HECW1: variants seen among roughly 807,000 people sequenced by gnomAD.
The protein encoded by HECW1 is E3 ubiquitin-protein ligase HECW1.
Under a neutral mutation model 182.3 loss-of-function variants are expected in HECW1, and 61 were observed. The ratio of observed to expected loss-of-function variants is 0.33; its 90% confidence interval spans 0.27 to 0.41. The LOEUF (loss-of-function observed/expected upper bound fraction) is 0.41. Ranked by LOEUF, HECW1 falls within the 10% of genes least tolerant of loss-of-function variation. The pLI, the probability that HECW1 is intolerant of heterozygous loss-of-function variation, is 1.00. For synonymous variants in HECW1, 859 were observed against 832.6 expected (o/e 1.03, Z -0.55); for missense variants, 1,739 against 2,108.9 (o/e 0.82, Z 3.44).
intron 8 of HECW1, among the ~76,000 whole-genome samples, chr7:43,416,024 C>A (rs1046425506): frequency 2.6e-5 from 4 of 151,022 alleles, no homozygotes; most frequent in Non-Finnish European, 5.9e-5. Flanking sequence ...CTTCTTCTCT[C>A]AGCTCGTCAA....
intron 6 of HECW1, among the ~76,000 whole-genome samples, chr7:43,386,772 T>G (rs1584727997): frequency 6.6e-6 from 1 of 152,138 alleles, no homozygotes; most frequent in Non-Finnish European, 1.5e-5. Context: ...TGTCCATCAG[T>G]TCCCTCATTT....
chr7:43,188,057 A>C (rs1793572995), intron 2 of HECW1, among the ~76,000 whole-genome samples: 1 of 152,168 alleles, frequency 6.6e-6, no homozygotes, highest in Admixed American at 6.5e-5. Flanking sequence ...AAATGTCCTG[A>C]TGACAGGAGT....
intron 3 of HECW1, chr7:43,274,232 G>A (rs1802797136): frequency 4.8e-6 from 3 of 629,442 alleles, no homozygotes; most frequent in Admixed American, 2.7e-5. Context: ...GCCACACACT[G>A]CCCCTCTACT....
chr7:43,205,715 T>G (rs562373231), intron 2 of HECW1, among the ~76,000 whole-genome samples: 1 of 152,150 alleles, frequency 6.6e-6, no homozygotes, highest in Non-Finnish European at 1.5e-5. Context: ...TTCAAAAAAT[T>G]TCTAATAGGT....
chr7:43,462,558 C>T (rs6957386), intron 13 of HECW1, among the ~76,000 whole-genome samples: 5,043 of 152,116 alleles, frequency 0.033, 274 homozygotes, highest in African/African-American at 0.11. Context: ...CCTACTGAAT[C>T]GGAGACTCAG....
chr7:43,383,228 T>C (rs2152828906), intron 6 of HECW1, among the ~76,000 whole-genome samples: 1 of 152,360 alleles, frequency 6.6e-6, no homozygotes, highest in African/African-American at 2.4e-5. Flanking sequence ...TTGTAAATCG[T>C]GCTACAATAA....
intron 16 of HECW1, among the ~76,000 whole-genome samples, chr7:43,469,684 G>A (rs1024837876): frequency 6.6e-6 from 1 of 152,182 alleles, no homozygotes; most frequent in African/African-American, 2.4e-5. Flanking sequence ...TGCTTTAGAA[G>A]ACCAGCTGAG....
chr7:43,323,641 A>G (rs1034581600), intron 5 of HECW1, among the ~76,000 whole-genome samples: 13 of 152,220 alleles, frequency 8.5e-5, no homozygotes, highest in Admixed American at 3.9e-4. Context: ...AAAATACATT[A>G]TAATATAAAA....
intron 2 of HECW1, among the ~76,000 whole-genome samples, chr7:43,192,769 A>C (rs915084572): frequency 1.3e-5 from 2 of 152,186 alleles, no homozygotes; most frequent in African/African-American, 4.8e-5. Flanking sequence ...AAGGTTGTAC[A>C]TACATTTCTA....
intron 21 of HECW1, among the ~76,000 whole-genome samples, chr7:43,502,772 G>A (rs1041680085): frequency 2.0e-5 from 3 of 152,174 alleles, no homozygotes; most frequent in Non-Finnish European, 2.9e-5. Context: ...TTTTCCATTC[G>A]TATTTGACTT....
chr7:43,234,238 A>G (rs1002550156), intron 2 of HECW1, among the ~76,000 whole-genome samples: 8 of 151,998 alleles, frequency 5.3e-5, no homozygotes, highest in African/African-American at 1.7e-4. Context: ...AGGTCTCCCA[A>G]CTTCCTCCCT....
intron 2 of HECW1, among the ~76,000 whole-genome samples, chr7:43,130,224 G>A (rs1190455849): frequency 6.6e-6 from 1 of 152,138 alleles, no homozygotes; most frequent in Non-Finnish European, 1.5e-5. Flanking sequence ...TACAGGTTGA[G>A]TATCCCTTAC....
chr7:43,244,454 G>T (rs7792151), intron 3 of HECW1, among the ~76,000 whole-genome samples: 1 of 151,950 alleles, frequency 6.6e-6, no homozygotes, highest in East Asian at 1.9e-4. Context: ...CCTGCCAATG[G>T]TCCTCCTTCC....
rs186827947 is a variant in HECW1, at chr7:43,221,940, C to A, written c.-31-21935C>A. Among the ~76,000 whole-genome samples, 4 of 152,244 alleles carry A rather than the reference C, an allele frequency of 2.6e-5. No homozygotes were observed. The East Asian group carries it at 7.7e-4, about 29-fold the overall frequency. ...GAGACGATTATGAGATGCAGATCCT[C>A]GTTACTCAAAATGTAGTCCTTAGAC... On this transcript the variant is annotated intron_variant, in intron 2 of 29. Transcript: ENST00000395891.
chr7:43,366,175 G>A (rs1816632253), intron 6 of HECW1, among the ~76,000 whole-genome samples: 1 of 149,878 alleles, frequency 6.7e-6, no homozygotes. Flanking sequence ...TCATATACTT[G>A]TCAGACCCCC....
intron 3 of HECW1, among the ~76,000 whole-genome samples, chr7:43,259,951 A>G (rs1233563071): frequency 6.6e-6 from 1 of 152,230 alleles, no homozygotes; most frequent in Non-Finnish European, 1.5e-5. Context: ...ATCAATCTAT[A>G]GATTCAAGAA....
chr7:43,388,966 A>G (rs2152832892), intron 6 of HECW1, among the ~76,000 whole-genome samples: 1 of 152,328 alleles, frequency 6.6e-6, no homozygotes, highest in Non-Finnish European at 1.5e-5. Context: ...GGTAATGGTC[A>G]TCCAGACAAG....
intron 2 of HECW1, among the ~76,000 whole-genome samples, chr7:43,195,701 A>G (rs189314808): frequency 6.6e-6 from 1 of 152,282 alleles, no homozygotes; most frequent in East Asian, 1.9e-4. Flanking sequence ...GAAAGTTGGG[A>G]GATTTATTTG....
At chr7:43,119,483 G>C (rs1785372442) in intron 2 of HECW1, among the ~76,000 whole-genome samples, 1 of 152,114 alleles carries the variant, frequency 6.6e-6, no homozygotes, top group Non-Finnish European at 1.5e-5. Flanking sequence ...CGGGTACGGG[G>C]ATTCCCCAGG....
Sources: gnomAD v4.1 joint callset for allele counts (sites outside exome capture counted in the v4.1 genomes callset) on GRCh38, gnomAD v4.1.1 for gene constraint, MANE v1.5 for transcripts, NCBI Gene and HGNC (gene_info 2026-07-23, HGNC 2026-07-21) for gene names.